Variants in NCOA6 observed in about 807,000 individuals in gnomAD.
NCOA6 encodes the protein NRC RAP250.
A neutral mutation model predicts 171.4 loss-of-function variants in NCOA6; 49 were observed. The ratio of observed to expected loss-of-function variants is 0.29; its 90% CI spans 0.23 to 0.36. The LOEUF (loss-of-function observed/expected upper bound fraction) is 0.36. NCOA6 is among the 10% of genes least tolerant of loss of function. NCOA6 has a pLI of 1.00. For synonymous variants in NCOA6, 910 were observed against 927.5 expected (o/e 0.98, Z 0.34); for missense variants, 2,248 against 2,554.5 (o/e 0.88, Z 2.59).
At chr20:34,727,432 C>T in intron 13 of NCOA6, 25 bp from the exon 14 acceptor site, 2 of 1,612,302 alleles carry the variant, frequency 1.2e-6, no homozygotes, top group Non-Finnish European at 1.7e-6. Context: ...CAAAAAGTTT[C>T]CAAGCAGGTG....
chr20:34,757,560 T>A lies in NCOA6; in HGVS notation c.1188A>T (p.Pro396=), dbSNP rs1197329199. The A allele has an allele frequency of 1.2e-6, 2 of 1,613,908 alleles. No individual in the cohort carries two copies. The highest frequency in any genetic ancestry group is 1.7e-6 in the Non-Finnish European group (2 of 1,179,924). Residue 396 remains proline, a synonymous_variant, in exon 7 of 15, where the codon CCA becomes CCT. Transcript: ENST00000359003. ...TCATCTGAGGAGCTGTGAACTGGCC[T>A]GGGTTGCTCATCTGAGGAAAGTTTG... ...AHTNFPQMSN[P]GQFTAPQMKS...
intron 2 of NCOA6, among the ~76,000 whole-genome samples, chr20:34,792,016 A>G (rs2077902393): frequency 6.6e-6 from 1 of 152,192 alleles, no homozygotes; most frequent in Admixed American, 6.5e-5. Flanking sequence ...ATTTCAAGAT[A>G]AAAACAGTCT....
chr20:34,771,193 C>T (rs1209365912), intron 4 of NCOA6, among the ~76,000 whole-genome samples: 1 of 152,198 alleles, frequency 6.6e-6, no homozygotes, highest in African/African-American at 2.4e-5. Flanking sequence ...TCACAGTTCA[C>T]TGCAGCATTG....
chr20:34,727,071 G>A (rs537888463), intron 14 of NCOA6, among the ~76,000 whole-genome samples, 188 bp downstream of exon 14: 1 of 152,326 alleles, frequency 6.6e-6, no homozygotes, highest in African/African-American at 2.4e-5. Flanking sequence ...TTGCTCTTGA[G>A]TACACACACA....
chr20:34,742,729 G>T lies in NCOA6; in HGVS notation c.3527C>A (p.Thr1176Asn). The change falls in exon 11 of 15, where the codon ACT (threonine) becomes AAT (asparagine). Residue 1176 changes from threonine (T) to asparagine (N), a missense_variant. By Grantham distance (65) the Thr-to-Asn change is moderately conservative (BLOSUM62 0). Around this residue, in one of 7 missense-constraint regions of NCOA6, gnomAD observed 352 missense variants for 419.1 expected, o/e 0.84. Transcript: ENST00000359003. The part of the protein sequence containing the change: ...PKPGPSPLSA[T>N]QGATPQQPPV... ...GGGTTGCTGGGGAGTTGCACCTTGAGTTGCTGAAAGGGGCGATGGTCCAGG... is the reference window on the plus strand; with the variant it reads ...GGGTTGCTGGGGAGTTGCACCTTGATTTGCTGAAAGGGGCGATGGTCCAGG... The T allele has an allele frequency of 1.2e-6, 2 of 1,614,124 alleles. No individual in the cohort carries two copies. Among genetic ancestry groups the T allele is most frequent in the African/African-American group, 2.7e-5 (2 of 75,006 alleles).
chr20:34,782,406 T>A lies in NCOA6; in HGVS notation c.-49-2A>T. 8.5e-7 allele frequency: 1 copy of A among 1,175,994 alleles called. No individual in the cohort carries two copies. 72.8% of individuals were successfully genotyped at this position (1,175,994 alleles called of 1,614,324 possible). A position where few individuals can be genotyped will look rare whatever the true frequency, so the allele number is the denominator to read the frequency against. Reference sequence around the variant, plus strand: ...GCCAAGAGGACAATAAGAAAACTTCTGAAAAGAGAAGATGCAAAAGAGCAT... The same window carrying A: ...GCCAAGAGGACAATAAGAAAACTTCAGAAAAGAGAAGATGCAAAAGAGCAT... On this transcript the variant is annotated splice_acceptor_variant, in intron 2 of 14. Coordinates refer to ENST00000359003, the MANE Select transcript of NCOA6 (RefSeq NM_014071.5). LOFTEE classifies it low-confidence loss of function (5UTR_SPLICE).
rs189026688 is a variant in NCOA6, at chr20:34,796,532, G to C, written c.-163-3969C>G. Among the ~76,000 whole-genome samples, 264 of 152,228 alleles carry C rather than the reference G, an allele frequency of 1.7e-3. 3 individuals are homozygous for C. Among genetic ancestry groups the C allele is most frequent in the Middle Eastern group, 3.4e-3 (1 of 294 alleles). On this transcript the variant is annotated intron_variant, in intron 1 of 14. Transcript: ENST00000359003. ...AGCTACTCAGAAGGCTGAGGTGAGA[G>C]AATCACTTGAGCCCGGGAGGCAGAG...
intron 6 of NCOA6, 126 bp downstream of exon 6, chr20:34,758,679 T>C: frequency 3.1e-6 from 4 of 1,281,088 alleles, no homozygotes; most frequent in Non-Finnish European, 4.4e-6. Flanking sequence ...TCAGGTCAGA[T>C]TTTGTAAAGA....
chr20:34,775,766 C>T (rs1236426774), intron 4 of NCOA6, among the ~76,000 whole-genome samples: 1 of 150,216 alleles, frequency 6.7e-6, no homozygotes, highest in Non-Finnish European at 1.5e-5. Flanking sequence ...ATCTGTTAGA[C>T]GAATAAAGAA....
At chr20:34,718,620 C>A (rs1988904222) in intron 14 of NCOA6, among the ~76,000 whole-genome samples, 1 of 152,130 alleles carries the variant, frequency 6.6e-6, no homozygotes, top group Non-Finnish European at 1.5e-5. Context: ...ATTCTCCTGC[C>A]TCAGCCTCCC....
chr20:34,793,729 AC>A (rs1430091421), intron 1 of NCOA6, among the ~76,000 whole-genome samples: 1 of 152,206 alleles, frequency 6.6e-6, no homozygotes, highest in Non-Finnish European at 1.5e-5. Context: ...AAAACAACAA[AC>A]TAAGAAAAAA....
intron 14 of NCOA6, among the ~76,000 whole-genome samples, chr20:34,720,588 G>T (rs1294308724): frequency 1.3e-5 from 2 of 152,224 alleles, no homozygotes; most frequent in Non-Finnish European, 2.9e-5. Flanking sequence ...CAGCTTCAGA[G>T]ATTTTCATGA....
intron 4 of NCOA6, among the ~76,000 whole-genome samples, chr20:34,772,805 A>T (rs1327959827): frequency 6.6e-6 from 1 of 152,166 alleles, no homozygotes; most frequent in African/African-American, 2.4e-5. Flanking sequence ...TCTCATTCTT[A>T]ATTTTAATAG....
intron 10 of NCOA6, among the ~76,000 whole-genome samples, chr20:34,746,306 C>T (rs925861971): frequency 1.3e-5 from 2 of 148,678 alleles, no homozygotes; most frequent in African/African-American, 5.0e-5. Flanking sequence ...GTGGCATGAT[C>T]ATGGCTCACT....
rs184056946 is a variant in NCOA6, at chr20:34,761,707, G to T, written c.515-2774C>A. Reference sequence around the variant, plus strand: ...GTCTCACTCTGTTGCCGAGGCTGGAGTGCAGTGGCGCAATCTTGACTCACC... The same window carrying T: ...GTCTCACTCTGTTGCCGAGGCTGGATTGCAGTGGCGCAATCTTGACTCACC... On this transcript the variant is annotated intron_variant, in intron 5 of 14. Coordinates refer to ENST00000359003, the MANE Select transcript of NCOA6 (RefSeq NM_014071.5). 1.9e-3 allele frequency among the ~76,000 whole-genome samples: 283 copies of T among 152,144 alleles called. 1 individual carries two copies. The highest frequency in any genetic ancestry group is 6.4e-3 in the African/African-American group (267 of 41,488).
chr20:34,749,203 C>A (rs754113261), intron 9 of NCOA6, among the ~76,000 whole-genome samples, 200 bp downstream of exon 9: 48 of 152,012 alleles, frequency 3.2e-4, no homozygotes, highest in Non-Finnish European at 6.0e-4. Context: ...ATTTACCCAG[C>A]GAATTTGCTT....
chr20:34,744,359 G>A (rs2076240340), intron 10 of NCOA6, among the ~76,000 whole-genome samples: 1 of 152,118 alleles, frequency 6.6e-6, no homozygotes, highest in Non-Finnish European at 1.5e-5. Context: ...AAAAAGATAC[G>A]CAAACCAAGA....
chr20:34,771,082 C>T (rs2077135825), intron 4 of NCOA6, among the ~76,000 whole-genome samples: 1 of 152,238 alleles, frequency 6.6e-6, no homozygotes, highest in South Asian at 2.1e-4. Flanking sequence ...TTACTTAATA[C>T]ATTCAATGTA....
In NCOA6 at chr20:34,740,602, G is replaced by C. The variant is rs1255321743; in HGVS notation, c.5654C>G (p.Thr1885Ser). The change falls in exon 11 of 15, where the codon ACT becomes AGT. Residue 1885 changes from threonine (T) to serine (S), a missense_variant. Physicochemically the swap from Thr to Ser is moderately conservative, Grantham distance 58. Transcript: ENST00000359003. ...AGGGCTAGAGGTCATTTTTAGCAGA[G>C]TGGGTGCTGGGGGCGTTGGGGTTTT... ...DSKTPTPPAP[T>S]LLKMTSSPVG... is the part of the protein sequence containing the mutation. 1 of 1,614,218 alleles carries C rather than the reference G, an allele frequency of 6.2e-7. No homozygotes were observed. Among genetic ancestry groups the C allele is most frequent in the South Asian group, 1.1e-5 (1 of 91,076 alleles).
Sources: gnomAD v4.1 joint callset for allele counts (sites outside exome capture counted in the v4.1 genomes callset) on GRCh38, gnomAD v4.1.1 for gene constraint, gnomAD v4.1.1 regional missense constraint, MANE v1.5 for transcripts, NCBI Gene and HGNC (gene_info 2026-07-23, HGNC 2026-07-21) for gene names.